ZNF511: variants seen among roughly 807,000 people sequenced by gnomAD.
The protein encoded by ZNF511 is zinc finger protein 511.
In ZNF511, 26 loss-of-function variants were observed where a neutral mutation model predicts 24.8. That is an observed-to-expected ratio of 1.05 (90% CI 0.77 to 1.46). The LOEUF (loss-of-function observed/expected upper bound fraction) is 1.46, where lower values mean the gene tolerates loss of function less well. Ranked by LOEUF, ZNF511 falls within the 40% of genes most tolerant of loss-of-function variation. ZNF511 has a pLI of 0.00. For missense variants in ZNF511, 358 were observed against 345.0 expected, an observed-to-expected ratio of 1.04 and a Z score of -0.30; for synonymous variants, 144 against 139.6, an observed-to-expected ratio of 1.03 and a Z score of -0.22.
In ZNF511 at chr10:133,312,581, T is replaced by C. The variant is rs1379165386; in HGVS notation, c.681-207T>C. 116 of 1,448,688 alleles carry C rather than the reference T, an allele frequency of 8.0e-5. No homozygotes were observed. In the South Asian group the frequency reaches 1.2e-3, roughly 15 times the overall value. 89.7% of individuals were successfully genotyped at this position (1,448,688 alleles called of 1,614,324 possible). A position where few individuals can be genotyped will look rare whatever the true frequency, so the allele number is the denominator to read the frequency against. On this transcript the variant is annotated intron_variant, in intron 5 of 5. Transcript: ENST00000361518. ...TCTCTGCGGAGTTCTTCCCAGCGGGTGTGCGTTGGTGGCTGGCGGGGACCC... is the reference window on the plus strand; with the variant it reads ...TCTCTGCGGAGTTCTTCCCAGCGGGCGTGCGTTGGTGGCTGGCGGGGACCC...
intron 5 of ZNF511, 45 bp downstream of exon 5, chr10:133,311,886 C>T (rs372214700): frequency 8.7e-6 from 14 of 1,613,100 alleles, no homozygotes; most frequent in African/African-American, 2.7e-5. Context: ...AACATGTGTT[C>T]GGTGCTGAGG....
At chr10:133,309,711 T>G (rs1847943443) in intron 2 of ZNF511, 65 bp from the exon 3 acceptor site, 2 of 1,578,186 alleles carry the variant, frequency 1.3e-6, no homozygotes, top group Non-Finnish European at 8.7e-7. Flanking sequence ...AGGGAAACTG[T>G]GCAGAAAGTC....
chr10:133,309,564 GCCC>G, intron 2 of ZNF511, 101 bp downstream of exon 2: 1 of 1,400,370 alleles, frequency 7.1e-7, no homozygotes, highest in Non-Finnish European at 9.8e-7. Flanking sequence ...ATGTGCGGCC[GCCC>G]CACCGAGGCG....
In ZNF511 at chr10:133,309,503, G is replaced by A. The variant is rs569651642; in HGVS notation, c.227+40G>A. 5.7e-6 allele frequency: 9 copies of A among 1,588,526 alleles called. No homozygotes were observed. In the South Asian group the frequency reaches 7.9e-5, roughly 14 times the overall value. ...AGTGCCTAGCCAGTGCTACTCCTGC[G>A]CCGCCTCCCTGACCGGTGCCTGGTC... On this transcript the variant is annotated intron_variant, in intron 2 of 5. Coordinates refer to ENST00000361518, the MANE Select transcript of ZNF511 (RefSeq NM_145806.4).
intron 5 of ZNF511, chr10:133,312,207 G>A (rs558498886): frequency 4.5e-5 from 63 of 1,388,036 alleles, no homozygotes; most frequent in Middle Eastern, 2.7e-4. Context: ...TGCCGTCTGC[G>A]TTTCTAGCGT....
chr10:133,310,962 C>G (rs538017541), intron 4 of ZNF511, among the ~76,000 whole-genome samples: 6 of 152,248 alleles, frequency 3.9e-5, no homozygotes, highest in Non-Finnish European at 8.8e-5. Context: ...TCGCCGCACT[C>G]GGCAAAATTT....
rs749590837 is a variant in ZNF511, at chr10:133,309,436, A to G, written c.200A>G (p.Gln67Arg). The change falls in exon 2 of 6, where the codon CAG (glutamine) becomes CGG (arginine). Residue 67 changes from glutamine to arginine, a missense_variant. Coordinates refer to ENST00000361518, the MANE Select transcript of ZNF511 (RefSeq NM_145806.4). ...RHLYLQDVIM[Q>R]VADVPEKPRV... is the part of the protein sequence containing the mutation. ...CTCTACCTCCAGGACGTGATCATGC[A>G]GGTGGCCGACGTGCCTGAGAAGCCC... is the stretch of plus-strand genomic sequence containing the variant. 8 of 1,612,548 alleles carry G rather than the reference A, an allele frequency of 5.0e-6. No individual in the cohort carries two copies. In the South Asian group the frequency reaches 8.8e-5, roughly 18 times the overall value.
chr10:133,310,059 G>T (rs1468042123), intron 3 of ZNF511, 82 bp downstream of exon 3: 1 of 1,609,058 alleles, frequency 6.2e-7, no homozygotes, highest in East Asian at 2.2e-5. Context: ...TCGGGTGCTC[G>T]GGCAAGGCCG....
chr10:133,309,482 C>A lies in ZNF511; in HGVS notation c.227+19C>A. On this transcript the variant is annotated intron_variant, in intron 2 of 5. Transcript: ENST00000361518. ...AGCCCAGGTAAGCGAATGGGCAGTG[C>A]CTAGCCAGTGCTACTCCTGCGCCGC... The A allele has an allele frequency of 6.2e-7, 1 of 1,608,778 alleles. No homozygotes were observed. The highest frequency in any genetic ancestry group is 8.5e-7 in the Non-Finnish European group (1 of 1,177,906).
chr10:133,309,377 A>T lies in ZNF511; in HGVS notation c.154-13A>T, dbSNP rs368439360. On this transcript the variant is annotated splice_polypyrimidine_tract_variant and intron_variant, in intron 1 of 5. Transcript: ENST00000361518. ...AGTCACCTGGCCCCGCCCACGGCGC[A>T]CTTTTCCTGCAGGATGGGGACGTGC... 3 of 1,609,892 alleles carry T rather than the reference A, an allele frequency of 1.9e-6. No individual in the cohort carries two copies. Among genetic ancestry groups the T allele is most frequent in the African/African-American group, 2.7e-5 (2 of 74,954 alleles).
chr10:133,311,870 G>A (rs762068921), intron 5 of ZNF511, 29 bp downstream of exon 5: 25 of 1,613,162 alleles, frequency 1.5e-5, no homozygotes, highest in South Asian at 2.2e-5. Flanking sequence ...TCTGAAACCC[G>A]TTCTCAACAT....
Position 133,309,893 on chromosome 10 carries a change from C to G in ZNF511, c.345C>G (p.Ala115=). The change falls in exon 3 of 6, where the codon GCC becomes GCG. Residue 115 remains alanine, a synonymous_variant. Transcript: ENST00000361518. ...HGNVCSFCKR[A]FPSGHLLDAH... ...ATGTTTGCTCCTTTTGCAAGCGGGC[C>G]TTCCCTTCCGGACACCTGCTGGACG... 2 of 1,613,762 alleles carry G rather than the reference C, an allele frequency of 1.2e-6. No homozygotes were observed. Among genetic ancestry groups the G allele is most frequent in the Non-Finnish European group, 1.7e-6 (2 of 1,180,032 alleles).
rs868230716 is a variant in ZNF511 at position 133,312,926 on chromosome 10, C to G, written c.*60C>G. 6.5e-5 allele frequency: 105 copies of G among 1,611,398 alleles called. 1 individual carries two copies. In the Middle Eastern group the frequency reaches 1.2e-3, roughly 19 times the overall value. The stretch of plus-strand genomic sequence containing the variant: ...TGCTGGGCGTGGCATCCGCCTTGGG[C>G]CTTTCTCCGACCTTCTGGTGTGGCC... On this transcript the variant is annotated 3_prime_UTR_variant, in exon 6 of 6. Transcript: ENST00000361518.
At chr10:133,309,314 C>T (rs1407514837) in intron 1 of ZNF511, 76 bp from the exon 2 acceptor site, 10 of 1,525,338 alleles carry the variant, frequency 6.6e-6, no homozygotes, top group Non-Finnish European at 8.0e-6. Flanking sequence ...ACTGGGGCCA[C>T]GGGTGTGGGC....
chr10:133,309,290 C>G (rs1243615213), intron 1 of ZNF511, 100 bp from the exon 2 acceptor site: 1 of 1,449,570 alleles, frequency 6.9e-7, no homozygotes, highest in African/African-American at 1.4e-5. Flanking sequence ...GGGGCGGGAC[C>G]GGAGCGCGGG....
At chr10:133,312,018 T>C in intron 5 of ZNF511, 177 bp downstream of exon 5, 1 of 1,569,168 alleles carries the variant, frequency 6.4e-7, no homozygotes, top group East Asian at 2.3e-5. Flanking sequence ...GTGAATAACT[T>C]AGTTTCTCTC....
rs760732161 is a variant in ZNF511 at position 133,309,958 on chromosome 10, T to C, written c.410T>C (p.Leu137Pro). 5.6e-6 allele frequency: 9 copies of C among 1,613,242 alleles called. No homozygotes were observed. In the East Asian group the frequency reaches 2.0e-4, roughly 36 times the overall value. The change falls in exon 3 of 6, where the codon CTG (leucine) becomes CCG (proline). Residue 137 changes from leucine to proline, a missense_variant. Physicochemically the swap from Leu to Pro is moderately conservative, Grantham distance 98. Coordinates refer to ENST00000361518, the MANE Select transcript of ZNF511 (RefSeq NM_145806.4). Reference sequence around the variant, plus strand: ...TGGCACGATTCGCTCTTCCAGATCCTGTCTGAGAGGCAGGACATGGTGGGT... The same window carrying C: ...TGGCACGATTCGCTCTTCCAGATCCCGTCTGAGAGGCAGGACATGGTGGGT... ...LEWHDSLFQI[L>P]SERQDMYQCL...
intron 4 of ZNF511, chr10:133,310,636 C>T (rs932179967): frequency 1.6e-5 from 5 of 318,668 alleles, no homozygotes; most frequent in Non-Finnish European, 2.4e-5. Context: ...CACTCACACC[C>T]CTCGGGGCCG....
At chr10:133,310,559 C>T (rs529221314) in intron 4 of ZNF511, 11 of 476,114 alleles carry the variant, frequency 2.3e-5, no homozygotes, top group Admixed American at 1.0e-4. Context: ...GCGGGCGCAG[C>T]GCCTCCGCAC....
Sources: allele counts gnomAD v4.1 joint callset (sites outside exome capture counted in the v4.1 genomes callset), GRCh38; gene constraint gnomAD v4.1.1; transcripts MANE v1.5; gene names NCBI Gene and HGNC (gene_info 2026-07-23, HGNC 2026-07-21).